The following CFAP47 variants were observed in gnomAD, a reference collection of about 807,000 sequenced individuals.
The protein encoded by CFAP47 is cilia and flagella associated protein 47, also known as cilia- and flagella-associated protein 47.
A neutral mutation model predicts 148.1 loss-of-function variants in CFAP47; 29 were observed. That is an observed-to-expected ratio of 0.20 (90% confidence interval 0.15 to 0.27). CFAP47 has a LOEUF of 0.27. CFAP47 is among the 10% of genes least tolerant of loss of function. The pLI, the probability that CFAP47 is intolerant of heterozygous loss-of-function variation, is 1.00. For missense variants in CFAP47, 1,872 were observed against 1,697.5 expected (o/e 1.10, Z -1.81); for synonymous variants, 664 against 577.3 (o/e 1.15, Z -2.15).
chrX:35,988,303 A>G (rs751002620), intron 15 of CFAP47, among the ~76,000 whole-genome samples: 1 of 112,013 alleles, frequency 8.9e-6, no homozygotes, highest in Admixed American at 9.4e-5. Context: ...TTTACATTCA[A>G]ATGTAATCTT....
chrX:36,333,363 C>T (rs781906871), intron 57 of CFAP47, among the ~76,000 whole-genome samples: 2 of 110,723 alleles, frequency 1.8e-5, no homozygotes, highest in Non-Finnish European at 3.8e-5. Context: ...TTTCTTGGAA[C>T]CTGACTCTTC....
rs1052885170 is a variant in CFAP47 at position 36,168,733 on chromosome X, C to T, written c.6026+7964C>T. Reference sequence around the variant, plus strand: ...TGAGCCACCGCACCCAGCCCTCCTGCTTATTTTAAATGAGAAAGGCAAATA... The same window carrying T: ...TGAGCCACCGCACCCAGCCCTCCTGTTTATTTTAAATGAGAAAGGCAAATA... On this transcript the variant is annotated intron_variant, in intron 39 of 63. Coordinates refer to ENST00000378653, the MANE Select transcript of CFAP47 (RefSeq NM_001304548.2). Among the ~76,000 whole-genome samples, 9 of 111,763 alleles carry T rather than the reference C, an allele frequency of 8.1e-5. No individual in the cohort carries two copies. In the Admixed American group the frequency reaches 8.5e-4, roughly 11 times the overall value.
chrX:36,275,550 T>C (rs782156434), intron 49 of CFAP47, among the ~76,000 whole-genome samples: 1 of 110,369 alleles, frequency 9.1e-6, no homozygotes, highest in Non-Finnish European at 1.9e-5. Context: ...TTTCATTTGA[T>C]CATAGTGTAT....
chrX:36,221,794 C>T (rs1174373699), intron 45 of CFAP47, among the ~76,000 whole-genome samples: 1 of 110,808 alleles, frequency 9.0e-6, no homozygotes, highest in African/African-American at 3.3e-5. Context: ...ATTATTTATA[C>T]CTGAACACAT....
intron 39 of CFAP47, among the ~76,000 whole-genome samples, chrX:36,173,933 C>G (rs899615457): frequency 9.0e-6 from 1 of 111,280 alleles, no homozygotes; most frequent in Non-Finnish European, 1.9e-5. Context: ...GTGTGGGAGT[C>G]TAATTCTCTT....
At chrX:36,384,131 A>G (rs1208565452) in intron 63 of CFAP47, among the ~76,000 whole-genome samples, 1 of 110,649 alleles carries the variant, frequency 9.0e-6, no homozygotes, top group Non-Finnish European at 1.9e-5. Context: ...ATCTGAGGTC[A>G]GGATTTTGAG....
intron 42 of CFAP47, among the ~76,000 whole-genome samples, chrX:36,197,977 TTC>T (rs781821766): frequency 1.8e-5 from 2 of 111,833 alleles, no homozygotes; most frequent in Non-Finnish European, 3.8e-5. Flanking sequence ...AATTTTTAAT[TTC>T]TGTTTCATTT....
At chrX:36,095,949 G>A (rs906171045) in intron 30 of CFAP47, among the ~76,000 whole-genome samples, 2 of 111,098 alleles carry the variant, frequency 1.8e-5, no homozygotes, top group Admixed American at 9.6e-5. Context: ...ATGTAAGGTT[G>A]TTGGTGTGAA....
intron 55 of CFAP47, among the ~76,000 whole-genome samples, chrX:36,308,710 G>A (rs1941370309): frequency 9.0e-6 from 1 of 110,927 alleles, no homozygotes; most frequent in Non-Finnish European, 1.9e-5. Flanking sequence ...TATCTAAACT[G>A]ACACACACAG....
intron 30 of CFAP47, among the ~76,000 whole-genome samples, chrX:36,096,513 C>G (rs1374481553): frequency 9.0e-6 from 1 of 111,315 alleles, no homozygotes; most frequent in African/African-American, 3.3e-5. Context: ...CTTTATATAT[C>G]TGGGTGTTAC....
intron 42 of CFAP47, among the ~76,000 whole-genome samples, chrX:36,196,810 GA>G (rs1243743919): frequency 2.7e-5 from 3 of 111,808 alleles, no homozygotes; most frequent in African/African-American, 9.7e-5. Flanking sequence ...TTAAAAGCAG[GA>G]AAAACTTGTA....
At chrX:36,242,349 A>G (rs1940556188) in intron 48 of CFAP47, among the ~76,000 whole-genome samples, 1 of 112,265 alleles carries the variant, frequency 8.9e-6, no homozygotes, top group Non-Finnish European at 1.9e-5. Context: ...CAGAAATAGA[A>G]TTCAGAATCT....
rs1449312817 is a variant in CFAP47, at chrX:36,175,714, A to G, written c.6027-3631A>G. ...ACTGTTTTCTTCAAAGCTGTCAGACAGGGACATTTAAGTCTGCAGAGGTTA... is the reference window on the plus strand; with the variant it reads ...ACTGTTTTCTTCAAAGCTGTCAGACGGGGACATTTAAGTCTGCAGAGGTTA... On this transcript the variant is annotated intron_variant, in intron 39 of 63. Coordinates refer to ENST00000378653, the MANE Select transcript of CFAP47 (RefSeq NM_001304548.2). 8.9e-5 allele frequency among the ~76,000 whole-genome samples: 10 copies of G among 112,455 alleles called. No individual in the cohort carries two copies. The East Asian group carries it at 2.5e-3, about 29-fold the overall frequency.
rs757430680 is a variant in CFAP47 at position 36,128,028 on chromosome X, G to A, written c.5321-9930G>A. Among the ~76,000 whole-genome samples, 10 of 111,033 alleles carry A rather than the reference G, an allele frequency of 9.0e-5. No homozygotes were observed. In the South Asian group the frequency reaches 2.3e-3, roughly 25 times the overall value. On this transcript the variant is annotated intron_variant, in intron 33 of 63. Transcript: ENST00000378653. ...TGGGGTTTTCTAAATGTAGAATCAC[G>A]TCATCTGCAAACAGAGACAATTTGC... is the stretch of plus-strand genomic sequence containing the variant.
intron 2 of CFAP47, among the ~76,000 whole-genome samples, chrX:35,931,005 T>C (rs1356673990): frequency 1.8e-5 from 2 of 111,649 alleles, no homozygotes; most frequent in African/African-American, 6.5e-5. Context: ...TAGTTTTTGA[T>C]ATTGGAAATT....
Position 36,310,973 on chromosome X carries a change from T to G in CFAP47, c.8328T>G (p.Ile2776Met). ...FKNPTMEDVL[I>M]DIILTSVEHP... ...ATCCCACAATGGAAGATGTCCTCAT[T>G]GATATAATACTGACAAGTAAGTTGT... The change falls in exon 56 of 64, where the codon ATT (isoleucine) becomes ATG (methionine). Residue 2776 changes from isoleucine to methionine, a missense_variant. Coordinates refer to ENST00000378653, the MANE Select transcript of CFAP47 (RefSeq NM_001304548.2). 1 of 1,121,660 alleles carries G rather than the reference T, an allele frequency of 8.9e-7. No individual in the cohort carries two copies. Among genetic ancestry groups the G allele is most frequent in the Non-Finnish European group, 1.2e-6 (1 of 841,953 alleles). 92.4% of individuals were successfully genotyped at this position (1,121,660 alleles called of 1,213,427 possible).
At chrX:36,270,608 A>G (rs1479062616) in intron 49 of CFAP47, among the ~76,000 whole-genome samples, 2 of 103,335 alleles carry the variant, frequency 1.9e-5, no homozygotes, top group Non-Finnish European at 3.9e-5. Context: ...TGTGTCTAGT[A>G]TGTATATATT....
chrX:36,372,454 A>T (rs1472229204), intron 62 of CFAP47, among the ~76,000 whole-genome samples: 6 of 111,819 alleles, frequency 5.4e-5, no homozygotes, highest in Non-Finnish European at 1.1e-4. Context: ...TTAAAGACAA[A>T]GATATGTTCT....
At chrX:36,284,828 A>G (rs1030606250) in intron 50 of CFAP47, among the ~76,000 whole-genome samples, 1 of 111,689 alleles carries the variant, frequency 9.0e-6, no homozygotes, top group Admixed American at 9.6e-5. Flanking sequence ...TATACAATTT[A>G]CTGAAATTGG....
Sources: allele counts gnomAD v4.1 joint callset (sites outside exome capture counted in the v4.1 genomes callset), GRCh38; gene constraint gnomAD v4.1.1; transcripts MANE v1.5; gene names NCBI Gene and HGNC (gene_info 2026-07-23, HGNC 2026-07-21).